The following TTC28 variants were observed in gnomAD, a reference collection of about 807,000 sequenced individuals.
The protein encoded by TTC28 is tetratricopeptide repeat protein 28.
A neutral mutation model predicts 198.0 loss-of-function variants in TTC28; 61 were observed. That is an observed-to-expected ratio of 0.31 (90% CI 0.25 to 0.38). The LOEUF (loss-of-function observed/expected upper bound fraction) is 0.38. Ranked by LOEUF, TTC28 falls within the 10% of genes least tolerant of loss-of-function variation. The probability of loss-of-function intolerance (pLI) is 1.00; values close to 1 mark genes in which losing one functional copy is unlikely to be tolerated. For synonymous variants in TTC28, 1,171 were observed against 1,297.8 expected (o/e 0.90, Z 2.10); for missense variants, 2,678 against 3,164.0 (o/e 0.85, Z 3.69).
intron 2 of TTC28, among the ~76,000 whole-genome samples, chr22:28,531,389 G>C (rs1165790957): frequency 6.6e-6 from 1 of 152,148 alleles, no homozygotes; most frequent in Non-Finnish European, 1.5e-5. Context: ...CTCAATACAG[G>C]AGTACCCAAA....
intron 13 of TTC28, among the ~76,000 whole-genome samples, chr22:28,018,306 C>CGGGG (rs138682): frequency 1.0e-4 from 5 of 49,246 alleles, no homozygotes; most frequent in Non-Finnish European, 1.9e-4. Context: ...TGTGCGCGCG[C>CGGGG]GGGGGGGGGG....
chr22:28,469,321 G>A (rs143882004), intron 2 of TTC28, among the ~76,000 whole-genome samples: 13 of 152,174 alleles, frequency 8.5e-5, no homozygotes, highest in Non-Finnish European at 1.6e-4. Flanking sequence ...GAAAAAGGGA[G>A]AACCACGAAG....
intron 12 of TTC28, among the ~76,000 whole-genome samples, chr22:28,041,476 A>T (rs1939637473): frequency 6.6e-6 from 1 of 152,248 alleles, no homozygotes; most frequent in Admixed American, 6.5e-5. Flanking sequence ...AAAACAAGAA[A>T]TGGGGAAAGG....
rs145900468 is a variant in TTC28 at position 28,503,235 on chromosome 22, C to T, written c.381+126317G>A. 3.7e-3 allele frequency among the ~76,000 whole-genome samples: 560 copies of T among 152,276 alleles called. 3 individuals carry two copies. The highest frequency in any genetic ancestry group is 6.1e-3 in the Non-Finnish European group (415 of 68,028). On this transcript the variant is annotated intron_variant, in intron 2 of 22. Coordinates refer to ENST00000397906, the MANE Select transcript of TTC28 (RefSeq NM_001145418.2). ...TCTTCAGAACTCAGATGAAATATTT[C>T]CTCAGAGAACCTCCACACTAGGGCA...
At chr22:28,062,738 T>C (rs1940601929) in intron 12 of TTC28, among the ~76,000 whole-genome samples, 1 of 152,202 alleles carries the variant, frequency 6.6e-6, no homozygotes, top group Non-Finnish European at 1.5e-5. Flanking sequence ...ATATTGTAAT[T>C]TTCAGTTTTA....
At chr22:28,679,534 C>T (rs1459370042) in intron 1 of TTC28, 88 bp downstream of exon 1, 4 of 854,302 alleles carry the variant, frequency 4.7e-6, no homozygotes, top group Admixed American at 3.9e-5. Context: ...GCCTCGCAGG[C>T]GCTCCTCTGC....
At chr22:28,531,479 T>C (rs2049138582) in intron 2 of TTC28, among the ~76,000 whole-genome samples, 1 of 152,206 alleles carries the variant, frequency 6.6e-6, no homozygotes, top group South Asian at 2.1e-4. Flanking sequence ...AACACCCCAC[T>C]GTCAACATTA....
chr22:28,220,586 G>A (rs535790284), intron 5 of TTC28, among the ~76,000 whole-genome samples: 16 of 152,292 alleles, frequency 1.1e-4, no homozygotes, highest in Non-Finnish European at 2.1e-4. Flanking sequence ...TTGCCACATG[G>A]GGTTCCCCAA....
At chr22:28,488,909 A>G (rs1461670475) in intron 2 of TTC28, among the ~76,000 whole-genome samples, 3 of 152,200 alleles carry the variant, frequency 2.0e-5, no homozygotes, top group Non-Finnish European at 4.4e-5. Flanking sequence ...AGACAGAATA[A>G]AAAACGAAAC....
intron 2 of TTC28, among the ~76,000 whole-genome samples, chr22:28,327,861 G>T (rs2045556181): frequency 6.6e-6 from 1 of 152,060 alleles, no homozygotes; most frequent in African/African-American, 2.4e-5. Flanking sequence ...GTCATTAAAT[G>T]TCTCCAAATT....
At chr22:28,460,607 GTAGATAGATAGATAGATAGA>G (rs4035771) in intron 2 of TTC28, among the ~76,000 whole-genome samples, 9,103 of 144,678 alleles carry the variant, frequency 0.063, 443 homozygotes, top group African/African-American at 0.11. Context: ...ATGATTAATG[GTAGATAGATAGATAGATAGA>G]TAGATAGATA....
rs1256676436 is a variant in TTC28, at chr22:28,591,374, A to G, written c.381+38178T>C. 3.3e-5 allele frequency among the ~76,000 whole-genome samples: 5 copies of G among 152,076 alleles called. No individual in the cohort carries two copies. In the East Asian group the frequency reaches 9.7e-4, roughly 29 times the overall value. On this transcript the variant is annotated intron_variant, in intron 2 of 22. Coordinates refer to ENST00000397906, the MANE Select transcript of TTC28 (RefSeq NM_001145418.2). ...AAGTATACAATTTTAAATAAAATTT[A>G]CATAGCGCTCTGCTGTCTACAAACT...
At chr22:28,403,443 GC>G (rs1348238500) in intron 2 of TTC28, among the ~76,000 whole-genome samples, 1 of 152,134 alleles carries the variant, frequency 6.6e-6, no homozygotes, top group Admixed American at 6.5e-5. Context: ...ATGAACAATT[GC>G]CCTGCACCCT....
At chr22:28,591,028 CACACACACACACATATATATATATATAT>C (rs1308618801) in intron 2 of TTC28, among the ~76,000 whole-genome samples, 29 of 77,352 alleles carry the variant, frequency 3.7e-4, no homozygotes, top group Non-Finnish European at 1.2e-4. Flanking sequence ...CACACACACA[CACACACACACACATATATATATATATAT>C]ATATATATAT....
chr22:28,297,771 T>C lies in TTC28; in HGVS notation c.611A>G (p.Gln204Arg). ...SPFVVVSVVG[Q>R]ELLTAGHHGA... is the part of the protein sequence containing the mutation. ...ATGATGGCCAGCTGTCAGGAGTTCCTGCCCAACCACAGACACGACCACAAA... is the reference window on the plus strand; with the variant it reads ...ATGATGGCCAGCTGTCAGGAGTTCCCGCCCAACCACAGACACGACCACAAA... Residue 204 changes from glutamine to arginine, a missense_variant, in exon 4 of 23, where the codon CAG (glutamine) becomes CGG (arginine). Coordinates refer to ENST00000397906, the MANE Select transcript of TTC28 (RefSeq NM_001145418.2). The C allele has an allele frequency of 6.4e-7, 1 of 1,551,734 alleles. No individual in the cohort carries two copies. The highest frequency in any genetic ancestry group is 8.7e-7 in the Non-Finnish European group (1 of 1,147,004).
intron 2 of TTC28, among the ~76,000 whole-genome samples, chr22:28,577,076 G>A (rs1467733787): frequency 6.6e-6 from 1 of 151,726 alleles, no homozygotes; most frequent in African/African-American, 2.4e-5. Context: ...TTTATTTGAA[G>A]TTTTTCTAAA....
At chr22:28,048,221 G>A (rs1939942953) in intron 12 of TTC28, among the ~76,000 whole-genome samples, 1 of 152,036 alleles carries the variant, frequency 6.6e-6, no homozygotes. Flanking sequence ...ACATATCCTG[G>A]AGGCCCTGTA....
chr22:28,601,916 C>G (rs751054771), intron 2 of TTC28, among the ~76,000 whole-genome samples: 7 of 151,278 alleles, frequency 4.6e-5, no homozygotes, highest in Non-Finnish European at 1.0e-4. Context: ...TATATTCTGC[C>G]TTATTCCTAT....
At chr22:28,001,628 G>A (rs896486633) in intron 14 of TTC28, 75 bp from the exon 15 acceptor site, 9 of 1,483,104 alleles carry the variant, frequency 6.1e-6, no homozygotes, top group Non-Finnish European at 8.2e-6. Flanking sequence ...ACAACCCTGA[G>A]CCCTAGCCTG....
Sources: gnomAD v4.1 joint callset for allele counts (sites outside exome capture counted in the v4.1 genomes callset) on GRCh38, gnomAD v4.1.1 for gene constraint, MANE v1.5 for transcripts, NCBI Gene and HGNC (gene_info 2026-07-23, HGNC 2026-07-21) for gene names.